GALNT13: variants seen among roughly 807,000 people sequenced by gnomAD.
GALNT13 encodes UDP-GalNAc:polypeptide N-acetylgalactosaminyltransferase 13.
Under a neutral mutation model 64.2 loss-of-function variants are expected in GALNT13, and 28 were observed. That is an observed-to-expected ratio of 0.44 (90% CI 0.32 to 0.60). The LOEUF is 0.60. Ranked by LOEUF, GALNT13 falls within the 20% of genes least tolerant of loss-of-function variation. The probability of loss-of-function intolerance (pLI) is 0.05; values close to 1 mark genes in which losing one functional copy is unlikely to be tolerated. For synonymous variants in GALNT13, 214 were observed against 224.6 expected, an observed-to-expected ratio of 0.95 and a Z score of 0.42; for missense variants, 577 against 669.8, an observed-to-expected ratio of 0.86 and a Z score of 1.53.
intron 3 of GALNT13, among the ~76,000 whole-genome samples, chr2:154,111,492 A>T (rs1163469517): frequency 6.6e-6 from 1 of 152,178 alleles, no homozygotes; most frequent in Admixed American, 6.5e-5. Context: ...AGGAGCCCAA[A>T]GTGTCCAGGT....
chr2:154,302,642 G>T (rs569727165), intron 9 of GALNT13, among the ~76,000 whole-genome samples: 1 of 152,262 alleles, frequency 6.6e-6, no homozygotes, highest in East Asian at 1.9e-4. Context: ...TGCCCAAGAT[G>T]GTTGGGTTAT....
At chr2:153,629,184 G>A in the GALNT13 span, among the ~76,000 whole-genome samples, 2 of 144,648 alleles carry the variant, frequency 1.4e-5, no homozygotes, top group Non-Finnish European at 1.5e-5. Flanking sequence ...TGTGGGATTG[G>A]TGGTGATATC....
intron 4 of GALNT13, among the ~76,000 whole-genome samples, chr2:154,215,186 T>C (rs2067081652): frequency 6.6e-6 from 1 of 152,192 alleles, no homozygotes; most frequent in African/African-American, 2.4e-5. Flanking sequence ...CCCTTGACTT[T>C]GGAAGTTATA....
chr2:153,482,790 C>T, the GALNT13 span, among the ~76,000 whole-genome samples: 4 of 149,990 alleles, frequency 2.7e-5, no homozygotes, highest in Admixed American at 1.3e-4. Context: ...TTTTTAAATC[C>T]TCTATGTACC....
At chr2:153,729,545 C>T in the GALNT13 span, among the ~76,000 whole-genome samples, 6 of 152,066 alleles carry the variant, frequency 3.9e-5, no homozygotes, top group African/African-American at 1.4e-4. Context: ...TATCTGTAAT[C>T]CCTCTGGAGT....
chr2:153,353,224 A>C, the GALNT13 span, among the ~76,000 whole-genome samples: 2 of 152,084 alleles, frequency 1.3e-5, no homozygotes, highest in Non-Finnish European at 2.9e-5. Flanking sequence ...ATGCTAATGT[A>C]AATGTTTTTT....
the GALNT13 span, among the ~76,000 whole-genome samples, chr2:153,298,035 G>A: frequency 6.6e-6 from 1 of 152,206 alleles, no homozygotes; most frequent in Non-Finnish European, 1.5e-5. Flanking sequence ...TTAGGAGAAA[G>A]TTGGAATGTA....
the GALNT13 span, among the ~76,000 whole-genome samples, chr2:153,542,669 T>G: frequency 5.3e-5 from 8 of 152,098 alleles, no homozygotes; most frequent in African/African-American, 1.9e-4. Context: ...ATATGAAGGA[T>G]GGGGGATTCT....
At chr2:154,033,155 T>A (rs1284534007) in intron 3 of GALNT13, among the ~76,000 whole-genome samples, 2 of 151,978 alleles carry the variant, frequency 1.3e-5, no homozygotes, top group South Asian at 2.1e-4. Context: ...CATAGACCCA[T>A]GATTCACACC....
the GALNT13 span, among the ~76,000 whole-genome samples, chr2:153,241,320 G>T: frequency 1.3e-5 from 2 of 152,168 alleles, no homozygotes; most frequent in African/African-American, 4.8e-5. Context: ...GAAAGTTTGA[G>T]ACTTGCCACA....
the GALNT13 span, among the ~76,000 whole-genome samples, chr2:153,592,264 A>G: frequency 6.6e-6 from 1 of 152,170 alleles, no homozygotes; most frequent in African/African-American, 2.4e-5. Context: ...ATCTCTCTGG[A>G]AGACAGTATA....
intron 6 of GALNT13, among the ~76,000 whole-genome samples, 196 bp downstream of exon 6, chr2:154,243,101 A>T (rs138040300): frequency 3.3e-4 from 51 of 152,354 alleles, no homozygotes; most frequent in African/African-American, 1.2e-3. Flanking sequence ...GTTGATTAAG[A>T]AATAGTGAAA....
At chr2:154,229,226 A>G (rs16836255) in intron 4 of GALNT13, among the ~76,000 whole-genome samples, 3,555 of 152,212 alleles carry the variant, frequency 0.023, 122 homozygotes, top group African/African-American at 0.074. Flanking sequence ...TTTACTCTGG[A>G]TACAGAGCTT....
At chr2:153,630,832 T>A in the GALNT13 span, among the ~76,000 whole-genome samples, 1 of 111,520 alleles carries the variant, frequency 9.0e-6, no homozygotes. Flanking sequence ...TTTATTATAC[T>A]TTAAGTTCTA....
the GALNT13 span, among the ~76,000 whole-genome samples, chr2:153,632,376 T>C: frequency 2.6e-5 from 4 of 152,328 alleles, no homozygotes; most frequent in Non-Finnish European, 4.4e-5. Context: ...TACTATTAAC[T>C]AAAGTCTATA....
the GALNT13 span, among the ~76,000 whole-genome samples, chr2:153,797,031 G>A: frequency 2.6e-5 from 4 of 152,136 alleles, no homozygotes; most frequent in African/African-American, 9.7e-5. Flanking sequence ...AATGTTTAAA[G>A]CTTTAATCTT....
At chr2:154,346,325 CCT>C (rs745784597) in intron 9 of GALNT13, among the ~76,000 whole-genome samples, 12 of 152,080 alleles carry the variant, frequency 7.9e-5, no homozygotes, top group African/African-American at 2.6e-4. Context: ...AACCATCTGT[CCT>C]CTCTCTCACA....
chr2:153,732,846 C>T, the GALNT13 span, among the ~76,000 whole-genome samples: 1 of 152,006 alleles, frequency 6.6e-6, no homozygotes, highest in African/African-American at 2.4e-5. Context: ...TGATCCAATA[C>T]TAGCCAATAA....
At chr2:153,566,348 G>GTTTTTTTGTTTTTTTTTT in the GALNT13 span, among the ~76,000 whole-genome samples, 2 of 74,826 alleles carry the variant, frequency 2.7e-5, no homozygotes, top group African/African-American at 1.3e-4. Context: ...TTCTAATCAC[G>GTTTTTTTGTTTTTTTTTT]TTTTTTTTTT....
Sources: allele counts gnomAD v4.1 joint callset (sites outside exome capture counted in the v4.1 genomes callset), GRCh38; gene constraint gnomAD v4.1.1; transcripts MANE v1.5; gene names NCBI Gene and HGNC (gene_info 2026-07-23, HGNC 2026-07-21).